CEP63: variants seen among roughly 807,000 people sequenced by gnomAD.
CEP63 encodes the protein centrosomal protein of 63 kDa.
Under a neutral mutation model 89.1 loss-of-function variants are expected in CEP63, and 84 were observed. The observed-to-expected ratio is 0.94, with a 90% CI of 0.79 to 1.13. The LOEUF (loss-of-function observed/expected upper bound fraction) is 1.13, where lower values mean the gene tolerates loss of function less well. Ranked by LOEUF, CEP63 falls within the 50% of genes most tolerant of loss-of-function variation. The pLI is 0.00. For synonymous variants in CEP63, 267 were observed against 272.5 expected, an observed-to-expected ratio of 0.98 and a Z score of 0.20; for missense variants, 838 against 813.3, an observed-to-expected ratio of 1.03 and a Z score of -0.37.
chr3:134,758,393 G>T, the CEP63 span, among the ~76,000 whole-genome samples: 6 of 152,294 alleles, frequency 3.9e-5, no homozygotes, highest in East Asian at 7.7e-4. Context: ...AGCCCTTAGG[G>T]TGTTGTAGTC....
At chr3:134,603,565 C>T in the CEP63 span, 6 of 1,557,326 alleles carry the variant, frequency 3.9e-6, no homozygotes, top group Non-Finnish European at 4.4e-6. Flanking sequence ...GAGGGTAAGA[C>T]CGGGGCACAG....
chr3:134,547,109 A>G lies in CEP63; in HGVS notation c.930-226A>G, dbSNP rs80296271. On this transcript the variant is annotated intron_variant, in intron 8 of 14. Transcript: ENST00000675561. ...TTGCCATTTTGTCTTTTTCCCTTGA[A>G]AAAAGGCCAAATCCCAGTTAAGAAG... Among the ~76,000 whole-genome samples, 2,208 of 152,268 alleles carry G rather than the reference A, an allele frequency of 0.015. 62 individuals are homozygous for G. Among genetic ancestry groups the G allele is most frequent in the African/African-American group, 0.05 (2,090 of 41,546 alleles).
chr3:134,697,967 G>A, the CEP63 span, among the ~76,000 whole-genome samples: 55 of 152,182 alleles, frequency 3.6e-4, no homozygotes, highest in East Asian at 1.9e-4. Flanking sequence ...ATGTCCCTCC[G>A]TTAGGACACG....
At chr3:134,695,684 A>C in the CEP63 span, among the ~76,000 whole-genome samples, 66 of 152,298 alleles carry the variant, frequency 4.3e-4, no homozygotes, top group African/African-American at 1.6e-3. Context: ...GCTGGTGCAC[A>C]TGCCTCTCTA....
chr3:134,733,164 C>T, the CEP63 span, among the ~76,000 whole-genome samples: 7 of 152,118 alleles, frequency 4.6e-5, no homozygotes, highest in Non-Finnish European at 8.8e-5. Flanking sequence ...AAGACACCAT[C>T]TCTATATTCT....
At chr3:134,557,381 T>TTTTTTTTTG (rs1956417897) in intron 12 of CEP63, among the ~76,000 whole-genome samples, 2 of 48,568 alleles carry the variant, frequency 4.1e-5, no homozygotes, top group Non-Finnish European at 6.2e-5. Flanking sequence ...AATTTGTTTT[T>TTTTTTTTTG]TTTTTTTTTT....
chr3:134,543,511 T>G (rs548440619), intron 6 of CEP63, among the ~76,000 whole-genome samples: 5 of 152,352 alleles, frequency 3.3e-5, no homozygotes, highest in African/African-American at 1.2e-4. Flanking sequence ...TTTATTAGTA[T>G]TTAGCAAATC....
chr3:134,718,773 C>T, the CEP63 span, among the ~76,000 whole-genome samples: 1 of 152,208 alleles, frequency 6.6e-6, no homozygotes, highest in Non-Finnish European at 1.5e-5. Flanking sequence ...GTGGCTCCCA[C>T]ATCTGAGCCT....
the CEP63 span, among the ~76,000 whole-genome samples, chr3:134,749,346 G>C: frequency 6.6e-6 from 1 of 152,112 alleles, no homozygotes; most frequent in Admixed American, 6.5e-5. Context: ...TCAGGCAAGG[G>C]AACTGCTCGG....
downstream of CEP63, among the ~76,000 whole-genome samples, chr3:134,590,180 C>T (rs1449312771): frequency 1.3e-5 from 2 of 152,018 alleles, no homozygotes; most frequent in Non-Finnish European, 2.9e-5. Flanking sequence ...ATTGCCAAAC[C>T]ACCATGACAC....
the CEP63 span, among the ~76,000 whole-genome samples, chr3:134,749,388 G>A: frequency 5.9e-4 from 90 of 152,254 alleles, no homozygotes; most frequent in African/African-American, 2.0e-3. Context: ...GGAGGGACCA[G>A]CTGCAACAGG....
At chr3:134,660,240 C>T in the CEP63 span, among the ~76,000 whole-genome samples, 102 of 152,376 alleles carry the variant, frequency 6.7e-4, no homozygotes, top group African/African-American at 2.1e-3. Context: ...CTCTGCCCTC[C>T]GGGCAAGGAG....
At chr3:134,713,626 G>A in the CEP63 span, among the ~76,000 whole-genome samples, 2 of 152,150 alleles carry the variant, frequency 1.3e-5, no homozygotes, top group Admixed American at 6.5e-5. Context: ...AGGTACCTGA[G>A]CCCAGAGGTC....
At chr3:134,499,019 C>T (rs767023864) in intron 2 of CEP63, among the ~76,000 whole-genome samples, 1 of 152,142 alleles carries the variant, frequency 6.6e-6, no homozygotes, top group Non-Finnish European at 1.5e-5. Flanking sequence ...GTGTCCTTGT[C>T]TGCTTTTGTC....
intron 11 of CEP63, among the ~76,000 whole-genome samples, chr3:134,571,046 C>T (rs1957988438): frequency 6.6e-6 from 1 of 152,254 alleles, no homozygotes; most frequent in Non-Finnish European, 1.5e-5. Context: ...GATTCAACCA[C>T]CTCCCACTGG....
chr3:134,700,261 C>T, the CEP63 span, among the ~76,000 whole-genome samples: 1 of 152,200 alleles, frequency 6.6e-6, no homozygotes. Flanking sequence ...CCATTCCTGC[C>T]GCGCTGGCCC....
chr3:134,606,581 G>A, the CEP63 span, among the ~76,000 whole-genome samples: 3 of 152,166 alleles, frequency 2.0e-5, no homozygotes, highest in Admixed American at 6.5e-5. Context: ...TTCCACTGCT[G>A]TAATTCATCA....
the CEP63 span, among the ~76,000 whole-genome samples, chr3:134,705,801 A>G: frequency 4.6e-5 from 7 of 152,196 alleles, no homozygotes; most frequent in African/African-American, 1.7e-4. Flanking sequence ...TGTTGGTGGG[A>G]CAAGCTCAGG....
rs575313649 is a variant in CEP63 at position 134,587,394 on chromosome 3, TTGTTGA to T, written c.1207-53_1207-48del. 1.2e-3 allele frequency among the ~76,000 whole-genome samples: 176 copies of T among 152,244 alleles called. 1 individual carries two copies. Among genetic ancestry groups the T allele is most frequent in the African/African-American group, 3.9e-3 (161 of 41,542 alleles). On this transcript the variant is annotated intron_variant, in intron 10 of 10. Coordinates refer to the CEP63 transcript ENST00000683931. Reference sequence around the variant, plus strand: ...TGGGGTTTTGGTGTGGATGTCCTTTTTGTTGATGTTGATGTTATTCCTTCCTGTTTA... The same window carrying T: ...TGGGGTTTTGGTGTGGATGTCCTTTTTGTTGATGTTATTCCTTCCTGTTTA...
Sources: allele counts gnomAD v4.1 joint callset (sites outside exome capture counted in the v4.1 genomes callset), GRCh38; gene constraint gnomAD v4.1.1; transcripts MANE v1.5; gene names NCBI Gene and HGNC (gene_info 2026-07-23, HGNC 2026-07-21).